Variants in NCF1 observed in about 807,000 individuals in gnomAD.
NCF1 encodes neutrophil cytosol factor 1.
In NCF1, 8 loss-of-function variants were observed where a neutral mutation model predicts 34.9. The observed-to-expected ratio is 0.23, with a 90% CI of 0.13 to 0.41. The LOEUF is 0.41. Among genes scored for constraint, NCF1 ranks in the 10% least tolerant of loss-of-function variants. The pLI is 1.00. For synonymous variants in NCF1, 57 were observed against 146.3 expected, an observed-to-expected ratio of 0.39 and a Z score of 4.41; for missense variants, 122 against 362.4, an observed-to-expected ratio of 0.34 and a Z score of 5.39.
At chr7:74,786,476 T>C (rs1382037127) in intron 8 of NCF1, among the ~76,000 whole-genome samples, 2 of 152,076 alleles carry the variant, frequency 1.3e-5, no homozygotes, top group African/African-American at 2.4e-5. Flanking sequence ...AGCACAATCA[T>C]CGCTCACTCA....
At chr7:74,788,755 G>C (rs782166417) in intron 10 of NCF1, 51 bp downstream of exon 10, 23 of 1,543,234 alleles carry the variant, frequency 1.5e-5, no homozygotes, top group Non-Finnish European at 2.0e-5. Flanking sequence ...GGCGGAGTCA[G>C]CGGGAGAGGC....
In NCF1 at chr7:74,783,080, C is replaced by T. The variant is rs782039400; in HGVS notation, c.574+19C>T. ...GAGAGCGGTCAGACCTCCCACCTTA[C>T]GGGGCTCCTTCCCCTGGTGCTCAGG... On this transcript the variant is annotated intron_variant, in intron 6 of 10. Coordinates refer to ENST00000289473, the MANE Select transcript of NCF1 (RefSeq NM_000265.7). 102 of 1,609,242 alleles carry T rather than the reference C, an allele frequency of 6.3e-5. No individual in the cohort carries two copies. In the East Asian group the frequency reaches 8.7e-4, roughly 14 times the overall value.
chr7:74,777,612 G>A (rs1259758419), intron 2 of NCF1: 4 of 397,848 alleles, frequency 1.0e-5, no homozygotes, highest in African/African-American at 6.3e-5. Context: ...GGTTTGCAGT[G>A]CAGGGGCGCA....
intron 2 of NCF1, 153 bp downstream of exon 2, chr7:74,777,500 T>C: frequency 1.2e-6 from 1 of 835,784 alleles, no homozygotes; most frequent in Non-Finnish European, 1.9e-6. Flanking sequence ...TAAATTTTTG[T>C]GACAGGGTCT....
intron 8 of NCF1, among the ~76,000 whole-genome samples, chr7:74,786,593 G>T (rs1584375507): frequency 6.6e-6 from 1 of 151,826 alleles, no homozygotes; most frequent in Non-Finnish European, 1.5e-5. Context: ...TCTCACTATG[G>T]TGCCAAGACT....
rs1554413105 is a variant in NCF1, at chr7:74,777,255, G to C, written c.73-12G>C. ...GGCTGAATGGGGTCCCCCGACTCTG[G>C]CTTTCCCCCAGGTGTACATGTTCCT... On this transcript the variant is annotated splice_polypyrimidine_tract_variant and intron_variant, in intron 1 of 10. Coordinates refer to ENST00000289473, the MANE Select transcript of NCF1 (RefSeq NM_000265.7). 3 of 1,612,556 alleles carry C rather than the reference G, an allele frequency of 1.9e-6. No individual in the cohort carries two copies. In the East Asian group the frequency reaches 6.7e-5, roughly 36 times the overall value.
At chr7:74,786,038 A>G (rs587766030) in intron 8 of NCF1, among the ~76,000 whole-genome samples, 16 of 116,956 alleles carry the variant, frequency 1.4e-4, no homozygotes, top group Admixed American at 7.8e-4. Context: ...TTCAAGACCA[A>G]CCTGGGCAAT....
chr7:74,788,729 A>G, intron 10 of NCF1, 25 bp downstream of exon 10: 2 of 1,550,964 alleles, frequency 1.3e-6, no homozygotes, highest in South Asian at 1.2e-5. Flanking sequence ...AGAGGGCAGG[A>G]AGGGCAAGCC....
intron 8 of NCF1, among the ~76,000 whole-genome samples, chr7:74,786,481 C>T (rs1796676817): frequency 1.3e-5 from 2 of 152,036 alleles, no homozygotes; most frequent in Admixed American, 1.3e-4. Context: ...AATCATCGCT[C>T]ACTCAAGCGA....
intron 10 of NCF1, among the ~76,000 whole-genome samples, 163 bp from the exon 11 acceptor site, chr7:74,788,876 C>G (rs1397674640): frequency 7.0e-6 from 1 of 143,704 alleles, no homozygotes; most frequent in Admixed American, 6.9e-5. Flanking sequence ...GGGGGCGGAG[C>G]GATCCCTAAG....
At position 74,788,549 on chromosome 7, in the gene NCF1, G is replaced by C. The variant is rs1472399909; in HGVS notation, c.906-10G>C. 1 of 1,541,094 alleles carries C rather than the reference G, an allele frequency of 6.5e-7. No homozygotes were observed. ...TCGGGCTTTGACGACGCCCCGTCCC[G>C]CTGGGCCAGGTCGTCCATCCGCAAC... On this transcript the variant is annotated splice_polypyrimidine_tract_variant and intron_variant, in intron 9 of 10. Coordinates refer to ENST00000289473, the MANE Select transcript of NCF1 (RefSeq NM_000265.7).
chr7:74,783,082 G>A (rs1554413998), intron 6 of NCF1, 21 bp downstream of exon 6: 2 of 1,608,742 alleles, frequency 1.2e-6, no homozygotes, highest in Admixed American at 1.7e-5. Context: ...CCACCTTACG[G>A]GGCTCCTTCC....
chr7:74,775,624 C>T (rs1351334041), intron 1 of NCF1, among the ~76,000 whole-genome samples: 6 of 46,818 alleles, frequency 1.3e-4, no homozygotes, highest in African/African-American at 5.4e-4. Flanking sequence ...GAGGTTTCCC[C>T]GATTATCCTG....
At chr7:74,783,756 A>G (rs1554414176) in intron 7 of NCF1, 124 bp downstream of exon 7, 4 of 1,501,004 alleles carry the variant, frequency 2.7e-6, no homozygotes, top group African/African-American at 2.8e-5. Flanking sequence ...CAGGGCTAAG[A>G]TCTCATCGAC....
intron 1 of NCF1, 132 bp from the exon 2 acceptor site, chr7:74,777,135 C>G: frequency 2.6e-6 from 2 of 779,746 alleles, no homozygotes; most frequent in Non-Finnish European, 4.3e-6. Context: ...TTTCTGCAAT[C>G]CAGGACAACC....
At chr7:74,777,510 T>TTGCTC (rs1195670588) in intron 2 of NCF1, 163 bp downstream of exon 2, 1 of 808,070 alleles carries the variant, frequency 1.2e-6, no homozygotes, top group African/African-American at 1.7e-5. Flanking sequence ...TGACAGGGTC[T>TTGCTC]TGCTCTGTCA....
chr7:74,785,747 G>T (rs587633477), intron 8 of NCF1, among the ~76,000 whole-genome samples: 129 of 152,048 alleles, frequency 8.5e-4, no homozygotes, highest in African/African-American at 2.9e-3. Flanking sequence ...GCCGGGTGTG[G>T]TGGTGGGAGC....
rs782588016 is a variant in NCF1, at chr7:74,788,694, G to A, written c.1041G>A (p.Gly347=). The change falls in exon 10 of 11, where the codon GGG becomes GGA. Residue 347 remains glycine, a synonymous_variant. Coordinates refer to ENST00000289473, the MANE Select transcript of NCF1 (RefSeq NM_000265.7). ...RQARPGPQSP[G]SPLEEERQTQ... ...CGCGGCCGGGACCGCAGAGCCCCGG[G>A]AGCCCGCTCGGTGAGTGCAGCGGGA... The A allele has an allele frequency of 1.3e-6, 2 of 1,550,552 alleles. No individual in the cohort carries two copies. Among genetic ancestry groups the A allele is most frequent in the Admixed American group, 1.9e-5 (1 of 51,870 alleles).
At position 74,783,623 on chromosome 7, in the gene NCF1, A is replaced by C; in HGVS notation, c.673A>C (p.Asn225His). The C allele has an allele frequency of 6.2e-7, 1 of 1,611,284 alleles. No homozygotes were observed. The highest frequency in any genetic ancestry group is 1.1e-5 in the South Asian group (1 of 90,948). Reference sequence around the variant, plus strand: ...TGACGAGACGGAAGACCCTGAGCCCAACTATGCAGGTGCCCCCTGCCCTCC... The same window carrying C: ...TGACGAGACGGAAGACCCTGAGCCCCACTATGCAGGTGCCCCCTGCCCTCC... Reference protein sequence around the residue: ...SPDETEDPEPNYAGEPYVAIK... With the variant: ...SPDETEDPEPHYAGEPYVAIK... The change falls in exon 7 of 11, where the codon AAC becomes CAC. Residue 225 changes from asparagine to histidine, a missense_variant. Asn to His is a moderately conservative substitution (Grantham distance 68). Coordinates refer to ENST00000289473, the MANE Select transcript of NCF1 (RefSeq NM_000265.7).
Sources: allele counts gnomAD v4.1 joint callset (sites outside exome capture counted in the v4.1 genomes callset), GRCh38; gene constraint gnomAD v4.1.1; transcripts MANE v1.5; gene names NCBI Gene and HGNC (gene_info 2026-07-23, HGNC 2026-07-21).